FANCB: variants seen among roughly 807,000 people sequenced by gnomAD.
FANCB encodes the protein Fanconi anemia group B protein.
Under a neutral mutation model 38.9 loss-of-function variants are expected in FANCB, and 5 were observed. That is an observed-to-expected ratio of 0.13 (90% confidence interval 0.07 to 0.27). FANCB has a LOEUF of 0.27. Among genes scored for constraint, FANCB ranks in the 10% least tolerant of loss-of-function variants. The pLI, the probability that FANCB is intolerant of heterozygous loss-of-function variation, is 1.00. For missense variants in FANCB, 573 were observed against 602.7 expected, an observed-to-expected ratio of 0.95 and a Z score of 0.52; for synonymous variants, 236 against 215.4, an observed-to-expected ratio of 1.10 and a Z score of -0.84.
the FANCB span, among the ~76,000 whole-genome samples, chrX:14,706,159 T>G: frequency 1.1e-5 from 1 of 89,349 alleles, no homozygotes; most frequent in Non-Finnish European, 2.4e-5. Flanking sequence ...AAGCCAAGTT[T>G]GAGAACCTTG....
intron 5 of FANCB, among the ~76,000 whole-genome samples, 173 bp downstream of exon 5, chrX:14,857,689 A>G (rs952439770): frequency 8.9e-6 from 1 of 112,052 alleles, no homozygotes; most frequent in Non-Finnish European, 1.9e-5. Context: ...TGATACATTT[A>G]TAAGTAGTAT....
At chrX:14,823,058 A>G in the FANCB span, among the ~76,000 whole-genome samples, 1 of 91,353 alleles carries the variant, frequency 1.1e-5, no homozygotes, top group Non-Finnish European at 2.2e-5. Context: ...TTTGCGTACT[A>G]TATTTTTGCC....
At chrX:14,698,280 C>T in the FANCB span, among the ~76,000 whole-genome samples, 1 of 111,749 alleles carries the variant, frequency 8.9e-6, no homozygotes, top group African/African-American at 3.3e-5. Flanking sequence ...TGAGGCCTCA[C>T]TTGTTTTCCC....
chrX:14,776,489 T>C, the FANCB span, among the ~76,000 whole-genome samples: 1 of 111,735 alleles, frequency 8.9e-6, no homozygotes, highest in Non-Finnish European at 1.9e-5. Context: ...AATAAAGAGG[T>C]TGTGCTATAT....
At chrX:14,812,804 C>A in the FANCB span, among the ~76,000 whole-genome samples, 1 of 111,366 alleles carries the variant, frequency 9.0e-6, no homozygotes, top group Non-Finnish European at 1.9e-5. Flanking sequence ...AATCCTCCCT[C>A]ACTCATTTTA....
the FANCB span, among the ~76,000 whole-genome samples, chrX:14,752,960 C>G: frequency 1.1e-5 from 1 of 91,539 alleles, no homozygotes; most frequent in Admixed American, 1.2e-4. Context: ...GTCTCTGGCT[C>G]TCTCTCTCTC....
the FANCB span, among the ~76,000 whole-genome samples, chrX:14,752,126 T>C: frequency 9.0e-6 from 1 of 111,668 alleles, no homozygotes; most frequent in African/African-American, 3.3e-5. Context: ...TCCTAACCAA[T>C]GCCAGTCCTT....
chrX:14,849,617 C>G (rs776223498), intron 7 of FANCB, among the ~76,000 whole-genome samples: 1 of 112,251 alleles, frequency 8.9e-6, no homozygotes, highest in Non-Finnish European at 1.9e-5. Flanking sequence ...AAGAGAATAT[C>G]GTCTGTTATC....
chrX:14,695,246 G>A, the FANCB span, among the ~76,000 whole-genome samples: 1 of 111,363 alleles, frequency 9.0e-6, no homozygotes, highest in South Asian at 3.8e-4. Flanking sequence ...CAAAGGAAAT[G>A]GTGACAAACC....
chrX:14,802,469 G>A, the FANCB span, among the ~76,000 whole-genome samples: 1 of 111,599 alleles, frequency 9.0e-6, no homozygotes, highest in Admixed American at 9.5e-5. Context: ...AAACCACTGA[G>A]GGGTCTAAAC....
intron 1 of FANCB, among the ~76,000 whole-genome samples, chrX:14,871,725 T>C: frequency 9.0e-6 from 1 of 111,443 alleles, no homozygotes; most frequent in Admixed American, 9.5e-5. Context: ...TGCAGCATAT[T>C]ATTTATGTAA....
the FANCB span, among the ~76,000 whole-genome samples, chrX:14,809,831 G>C: frequency 4.2e-3 from 476 of 112,511 alleles, 6 homozygotes; most frequent in African/African-American, 0.015. Context: ...GAGAGCAGTG[G>C]TTCTCCCAGC....
the FANCB span, among the ~76,000 whole-genome samples, chrX:14,812,167 G>A: frequency 2.7e-5 from 3 of 109,600 alleles, no homozygotes; most frequent in Non-Finnish European, 5.7e-5. Context: ...TCAAAGCAGT[G>A]TGTAGAGGGA....
chrX:14,707,639 TA>T, the FANCB span, among the ~76,000 whole-genome samples: 1 of 100,073 alleles, frequency 1.0e-5, no homozygotes, highest in Non-Finnish European at 2.0e-5. Flanking sequence ...TTTGTAAAAG[TA>T]AATACTACTT....
At chrX:14,863,928 A>C (rs1014250629) in intron 3 of FANCB, among the ~76,000 whole-genome samples, 2 of 112,007 alleles carry the variant, frequency 1.8e-5, no homozygotes, top group Admixed American at 1.9e-4. Flanking sequence ...TGAAGCCAGG[A>C]GTTTGAAACC....
Position 14,861,596 on chromosome X carries a change from T to C in FANCB, c.952-2262A>G, listed in dbSNP as rs147943045. Among the ~76,000 whole-genome samples the C allele has an allele frequency of 2.6e-3, 292 of 111,403 alleles. 1 individual carries two copies. The highest frequency in any genetic ancestry group is 8.5e-3 in the African/African-American group (260 of 30,639). On this transcript the variant is annotated intron_variant, in intron 3 of 9. Coordinates refer to ENST00000650831, the MANE Select transcript of FANCB (RefSeq NM_001018113.3). Reference sequence around the variant, plus strand: ...ATTATTTAATAAGGTATTCACCTTATTACTCAAAACCTTTTACAAAATACC... The same window carrying C: ...ATTATTTAATAAGGTATTCACCTTACTACTCAAAACCTTTTACAAAATACC...
the FANCB span, among the ~76,000 whole-genome samples, chrX:14,821,611 T>C: frequency 1.8e-5 from 2 of 111,814 alleles, no homozygotes; most frequent in Non-Finnish European, 3.8e-5. Context: ...CCTAGTTATT[T>C]AAACAGATGA....
At chrX:14,836,160 A>G (rs1484355557) in exon 11 of FANCB, 2 of 112,229 alleles carry the variant, frequency 1.8e-5, no homozygotes, top group African/African-American at 6.5e-5. Flanking sequence ...AAGTAAAATA[A>G]GCCAGGTACA....
chrX:14,772,763 A>G, the FANCB span, among the ~76,000 whole-genome samples: 1 of 111,718 alleles, frequency 9.0e-6, no homozygotes, highest in Non-Finnish European at 1.9e-5. Context: ...CTGCTCTGCC[A>G]CGACTCCACA....
Sources: gnomAD v4.1 joint callset for allele counts (sites outside exome capture counted in the v4.1 genomes callset) on GRCh38, gnomAD v4.1.1 for gene constraint, MANE v1.5 for transcripts, NCBI Gene and HGNC (gene_info 2026-07-23, HGNC 2026-07-21) for gene names.